THSD4: variants seen among roughly 807,000 people sequenced by gnomAD.
THSD4 encodes thrombospondin type 1 domain containing 4, also known as thrombospondin type-1 domain-containing protein 4.
Under a neutral mutation model 119.0 loss-of-function variants are expected in THSD4, and 69 were observed. That is an observed-to-expected ratio of 0.58 (90% CI 0.48 to 0.71). The LOEUF (loss-of-function observed/expected upper bound fraction) is 0.71, where lower values mean the gene tolerates loss of function less well. Among genes scored for constraint, THSD4 ranks in the 30% least tolerant of loss-of-function variants. The probability of loss-of-function intolerance (pLI) is 0.00; values close to 1 mark genes in which losing one functional copy is unlikely to be tolerated. For missense variants in THSD4, 1,393 were observed against 1,391.1 expected, an observed-to-expected ratio of 1.00 and a Z score of -0.02; for synonymous variants, 524 against 540.4, an observed-to-expected ratio of 0.97 and a Z score of 0.42.
chr15:71,730,830 A>G, intron 9 of THSD4: 1 of 386,638 alleles, frequency 2.6e-6, no homozygotes, highest in South Asian at 2.7e-5. Flanking sequence ...AAGGACAGAA[A>G]GGTTCTGCTA....
Position 71,631,541 on chromosome 15 carries a change from G to A in THSD4, c.1153-28989G>A, listed in dbSNP as rs542857611. On this transcript the variant is annotated intron_variant, in intron 7 of 17. Coordinates refer to ENST00000261862, the MANE Select transcript of THSD4 (RefSeq NM_024817.3). ...GGGTAGCTGGAAGGGAAGAGCTGGG[G>A]AGATCAGGTAGCACCTCACAGCTAG... is the stretch of plus-strand genomic sequence containing the variant. Among the ~76,000 whole-genome samples, 68 of 152,302 alleles carry A rather than the reference G, an allele frequency of 4.5e-4. No homozygotes were observed. In the South Asian group the frequency reaches 0.013, roughly 28 times the overall value.
At chr15:71,613,157 G>A (rs1404008915) in intron 7 of THSD4, among the ~76,000 whole-genome samples, 1 of 152,170 alleles carries the variant, frequency 6.6e-6, no homozygotes, top group African/African-American at 2.4e-5. Context: ...CCCAAAGCAT[G>A]TTTCAGAACC....
intron 7 of THSD4, among the ~76,000 whole-genome samples, chr15:71,631,905 T>C (rs1299948940): frequency 6.6e-6 from 1 of 152,214 alleles, no homozygotes; most frequent in Non-Finnish European, 1.5e-5. Flanking sequence ...AAACCTCCTG[T>C]AGCACGGAAA....
At chr15:71,111,533 A>G (rs2040305136), upstream of THSD4, 2 of 785,270 alleles carry the variant, frequency 2.5e-6, no homozygotes, top group Non-Finnish European at 2.0e-6. Context: ...ACCAACTCTC[A>G]AAGTGTTTTG....
At chr15:71,452,803 C>A (rs112737878) in intron 7 of THSD4, among the ~76,000 whole-genome samples, 3 of 151,878 alleles carry the variant, frequency 2.0e-5, no homozygotes, top group African/African-American at 7.3e-5. Flanking sequence ...TTAGTAGAGA[C>A]GGGGTTTCAC....
At position 71,434,960 on chromosome 15, in the gene THSD4, G is replaced by A. The variant is rs568933123; in HGVS notation, c.1152+23137G>A. On this transcript the variant is annotated intron_variant, in intron 7 of 17. Transcript: ENST00000261862. ...GAATGTATGATTCATCTCTAAAGAGGTGCAAAGAAACAGTCCTCCCAAGAC... is the reference window on the plus strand; with the variant it reads ...GAATGTATGATTCATCTCTAAAGAGATGCAAAGAAACAGTCCTCCCAAGAC... Among the ~76,000 whole-genome samples, 7 of 152,206 alleles carry A rather than the reference G, an allele frequency of 4.6e-5. No individual in the cohort carries two copies. In the South Asian group the frequency reaches 1.5e-3, roughly 32 times the overall value.
At chr15:71,280,472 C>T (rs114650638) in intron 6 of THSD4, among the ~76,000 whole-genome samples, 2,867 of 152,270 alleles carry the variant, frequency 0.019, 104 homozygotes, top group African/African-American at 0.066. Flanking sequence ...ATTTGGCAGT[C>T]ATGTTTTCAA....
chr15:71,730,941 A>G (rs1567124116), intron 9 of THSD4, 180 bp from the exon 10 acceptor site: 1 of 588,070 alleles, frequency 1.7e-6, no homozygotes, highest in Non-Finnish European at 3.1e-6. Flanking sequence ...TCAAAAGTAA[A>G]TGACAAAAAG....
At chr15:71,333,052 C>CCCCCCTTTT (rs1172246282) in intron 6 of THSD4, among the ~76,000 whole-genome samples, 2 of 151,682 alleles carry the variant, frequency 1.3e-5, no homozygotes, top group Non-Finnish European at 2.9e-5. Context: ...TTTGGGTATT[C>CCCCCCTTTT]CCCCCTTTTA....
chr15:71,583,067 T>C (rs1429169141), intron 7 of THSD4, among the ~76,000 whole-genome samples: 1 of 152,180 alleles, frequency 6.6e-6, no homozygotes, highest in African/African-American at 2.4e-5. Flanking sequence ...TGACTTCTCA[T>C]TGTTGAGAGG....
intron 6 of THSD4, among the ~76,000 whole-genome samples, chr15:71,347,435 G>T (rs1191649822): frequency 6.6e-6 from 1 of 152,144 alleles, no homozygotes; most frequent in Non-Finnish European, 1.5e-5. Context: ...CCCTTGCATG[G>T]CTGCTGAACA....
Position 71,498,034 on chromosome 15 carries a change from G to A in THSD4, c.1152+86211G>A, listed in dbSNP as rs146688186. Among the ~76,000 whole-genome samples, 61 of 152,268 alleles carry A rather than the reference G, an allele frequency of 4.0e-4. 2 individuals are homozygous for A. In the East Asian group the frequency reaches 0.011, roughly 27 times the overall value. ...AAGTGATTCTCATAATGATTTAGGC[G>A]CTTATCCTAACTGGGGTGGCATGAA... On this transcript the variant is annotated intron_variant, in intron 7 of 17. Transcript: ENST00000261862.
chr15:71,698,006 C>G (rs548834707), intron 8 of THSD4, among the ~76,000 whole-genome samples: 59 of 152,158 alleles, frequency 3.9e-4, no homozygotes, highest in Admixed American at 9.2e-4. Flanking sequence ...AGGCAGTTCT[C>G]TCACTGAAGA....
chr15:71,270,008 G>A (rs2140302442), intron 6 of THSD4, among the ~76,000 whole-genome samples: 1 of 152,248 alleles, frequency 6.6e-6, no homozygotes, highest in African/African-American at 2.4e-5. Flanking sequence ...TCAATATTGT[G>A]AAAATGACCA....
chr15:71,435,531 C>CT (rs1186555221), intron 7 of THSD4, among the ~76,000 whole-genome samples: 2 of 152,108 alleles, frequency 1.3e-5, no homozygotes, highest in Non-Finnish European at 2.9e-5. Context: ...GCCAAAAAGG[C>CT]TTTTTTCATG....
At chr15:71,389,320 T>C (rs2046338926) in intron 6 of THSD4, among the ~76,000 whole-genome samples, 1 of 152,230 alleles carries the variant, frequency 6.6e-6, no homozygotes, top group African/African-American at 2.4e-5. Flanking sequence ...CAACTATTAT[T>C]CTACTTTCTG....
chr15:71,412,100 G>A (rs2046697642), intron 7 of THSD4, among the ~76,000 whole-genome samples: 1 of 152,188 alleles, frequency 6.6e-6, no homozygotes, highest in Non-Finnish European at 1.5e-5. Flanking sequence ...AGCAATCTTT[G>A]CGAGTTGGAT....
intron 7 of THSD4, among the ~76,000 whole-genome samples, chr15:71,487,633 C>G (rs1415441567): frequency 6.6e-6 from 1 of 152,186 alleles, no homozygotes; most frequent in African/African-American, 2.4e-5. Flanking sequence ...ATTTGTCTAG[C>G]TCCAAAGTAA....
chr15:71,616,873 C>T (rs115349740), intron 7 of THSD4, among the ~76,000 whole-genome samples: 1,891 of 152,186 alleles, frequency 0.012, 40 homozygotes, highest in African/African-American at 0.044. Flanking sequence ...AAAGCTTTCT[C>T]GATTAGGGCC....
Sources: allele counts gnomAD v4.1 joint callset (sites outside exome capture counted in the v4.1 genomes callset), GRCh38; gene constraint gnomAD v4.1.1; transcripts MANE v1.5; gene names NCBI Gene and HGNC (gene_info 2026-07-23, HGNC 2026-07-21).